Variants in RGL1 observed in about 807,000 individuals in gnomAD.
The protein encoded by RGL1 is ral guanine nucleotide dissociation stimulator like 1.
Under a neutral mutation model 95.2 loss-of-function variants are expected in RGL1, and 24 were observed. That is an observed-to-expected ratio of 0.25 (90% CI 0.18 to 0.35). The LOEUF (loss-of-function observed/expected upper bound fraction) is 0.35, where lower values mean the gene tolerates loss of function less well. Among genes scored for constraint, RGL1 ranks in the 10% least tolerant of loss-of-function variants. The pLI is 1.00. For synonymous variants in RGL1, 329 were observed against 344.9 expected (o/e 0.95, Z 0.51); for missense variants, 715 against 936.3 (o/e 0.76, Z 3.08).
At chr1:183,743,699 C>T (rs1300933142) in intron 2 of RGL1, among the ~76,000 whole-genome samples, 2 of 152,310 alleles carry the variant, frequency 1.3e-5, no homozygotes, top group African/African-American at 2.4e-5. Flanking sequence ...ATGTTTAGCA[C>T]ACATTCTCCT....
At chr1:183,647,825 G>T in intron 1 of RGL1, 3 of 1,614,162 alleles carry the variant, frequency 1.9e-6, no homozygotes, top group Non-Finnish European at 2.5e-6. Context: ...GCATATTTAA[G>T]TGCCTTACGA....
In RGL1 at chr1:183,827,409, C is replaced by T. The variant is rs191974442; in HGVS notation, c.139-20157C>T. 4.0e-3 allele frequency among the ~76,000 whole-genome samples: 607 copies of T among 152,298 alleles called. 6 individuals carry two copies. The highest frequency in any genetic ancestry group is 6.7e-3 in the Non-Finnish European group (455 of 68,026). On this transcript the variant is annotated intron_variant, in intron 2 of 17. Coordinates refer to ENST00000360851, the MANE Select transcript of RGL1 (RefSeq NM_001297671.3). ...TACAGAGAAATATATGGCAGCTAAA[C>T]TTAAAAACTGTTAAACTGGAATCTC...
chr1:183,847,779 G>A lies in RGL1; in HGVS notation c.347+5G>A. The A allele has an allele frequency of 6.2e-7, 1 of 1,610,436 alleles. No homozygotes were observed. The highest frequency in any genetic ancestry group is 8.5e-7 in the Non-Finnish European group (1 of 1,177,400). On this transcript the variant is annotated splice_donor_5th_base_variant and intron_variant, in intron 3 of 17. Transcript: ENST00000360851. ...GCTGGAACTACTGCTGGACAGGTAA[G>A]AATGTAAAGGAGCTTTTGAGTTGAA... is the stretch of plus-strand genomic sequence containing the variant.
chr1:183,815,273 CA>C (rs55883302), intron 2 of RGL1, among the ~76,000 whole-genome samples: 138,785 of 142,778 alleles, frequency 0.97, 67,455 homozygotes, highest in East Asian at 0.99. Context: ...AACTCCATCT[CA>C]AAAAAAAAAA....
At chr1:183,680,307 A>G (rs1335418912) in intron 1 of RGL1, among the ~76,000 whole-genome samples, 1 of 152,048 alleles carries the variant, frequency 6.6e-6, no homozygotes, top group Non-Finnish European at 1.5e-5. Context: ...TGTGTCCTGA[A>G]TGGTATTGCC....
At chr1:183,895,066 A>G (rs896438145) in intron 9 of RGL1, among the ~76,000 whole-genome samples, 1 of 152,192 alleles carries the variant, frequency 6.6e-6, no homozygotes, top group Non-Finnish European at 1.5e-5. Flanking sequence ...GGTTGACTTT[A>G]TATAAAGGAC....
intron 2 of RGL1, among the ~76,000 whole-genome samples, chr1:183,812,861 A>T (rs948913955): frequency 1.3e-5 from 2 of 152,184 alleles, no homozygotes; most frequent in African/African-American, 4.8e-5. Flanking sequence ...TGGGGAAGAG[A>T]TAAGGGAACC....
At chr1:183,816,141 G>A (rs1210886748) in intron 2 of RGL1, among the ~76,000 whole-genome samples, 1 of 152,020 alleles carries the variant, frequency 6.6e-6, no homozygotes, top group Non-Finnish European at 1.5e-5. Context: ...TATTCCTCGG[G>A]CTCCAACATT....
intron 1 of RGL1, chr1:183,647,370 G>A: frequency 5.0e-6 from 1 of 199,632 alleles, no homozygotes; most frequent in Non-Finnish European, 1.0e-5. Context: ...GAAAGATGAT[G>A]TGAGTAAAAT....
rs369320694 is a variant in RGL1, at chr1:183,750,081, A to G, written c.132+7792A>G. ...GGAGCATCTTAGTGGTGCTCTCTGC[A>G]TTTCCTGAATTTGAATGTTGGCCTG... On this transcript the variant is annotated intron_variant, in intron 2 of 18. Transcript: ENST00000304685. Among the ~76,000 whole-genome samples the G allele has an allele frequency of 3.9e-5, 6 of 152,152 alleles. No individual in the cohort carries two copies. In the East Asian group the frequency reaches 7.7e-4, roughly 20 times the overall value.
chr1:183,845,147 C>G (rs946503538), intron 2 of RGL1, among the ~76,000 whole-genome samples: 1 of 150,480 alleles, frequency 6.6e-6, no homozygotes, highest in Non-Finnish European at 1.5e-5. Flanking sequence ...TCACATGTGA[C>G]TATTTCAATT....
At chr1:183,753,540 T>A (rs1406209958) in intron 2 of RGL1, among the ~76,000 whole-genome samples, 2 of 152,224 alleles carry the variant, frequency 1.3e-5, no homozygotes, top group Non-Finnish European at 1.5e-5. Flanking sequence ...TTTGTTTTGG[T>A]TTTCTATGTT....
intron 1 of RGL1, among the ~76,000 whole-genome samples, chr1:183,711,431 A>G (rs1042040526): frequency 6.6e-6 from 1 of 152,034 alleles, no homozygotes; most frequent in African/African-American, 2.4e-5. Context: ...CAACTCTCCC[A>G]CCCACCACTG....
chr1:183,711,997 G>C (rs1191697803), intron 1 of RGL1, among the ~76,000 whole-genome samples: 1 of 152,116 alleles, frequency 6.6e-6, no homozygotes, highest in Non-Finnish European at 1.5e-5. Context: ...ACTTGGCAAG[G>C]TTTTTCTGAG....
At chr1:183,815,877 C>A (rs968551328) in intron 2 of RGL1, among the ~76,000 whole-genome samples, 2 of 152,102 alleles carry the variant, frequency 1.3e-5, no homozygotes, top group African/African-American at 2.4e-5. Flanking sequence ...CCTCTAGAAC[C>A]CTGCCATAGA....
At chr1:183,768,992 G>T (rs912346709) in intron 2 of RGL1, among the ~76,000 whole-genome samples, 3 of 152,052 alleles carry the variant, frequency 2.0e-5, no homozygotes, top group African/African-American at 7.2e-5. Context: ...TCTTAATTGG[G>T]AATTACCTAG....
intron 1 of RGL1, among the ~76,000 whole-genome samples, chr1:183,726,858 C>G (rs758747801): frequency 1.3e-5 from 2 of 152,080 alleles, no homozygotes; most frequent in Non-Finnish European, 2.9e-5. Context: ...CTGAAATGCT[C>G]CAATGAGCAT....
At chr1:183,731,393 T>C (rs1039238680) in intron 1 of RGL1, among the ~76,000 whole-genome samples, 1 of 152,112 alleles carries the variant, frequency 6.6e-6, no homozygotes, top group Non-Finnish European at 1.5e-5. Context: ...AGAGGAAGTG[T>C]GATAGGCACT....
rs76610268 is a variant in RGL1 at position 183,722,004 on chromosome 1, A to G, written c.-32-20122A>G. 2.9e-3 allele frequency among the ~76,000 whole-genome samples: 442 copies of G among 152,346 alleles called. 5 individuals are homozygous for G. The highest frequency in any genetic ancestry group is 0.01 in the African/African-American group (425 of 41,584). On this transcript the variant is annotated intron_variant, in intron 1 of 18. Coordinates refer to the RGL1 transcript ENST00000304685. ...GTGGATTGCAGTTGCAAGCATGGAT[A>G]GGGATGAAATTAGTCAAAGAGAAAA...
Sources: allele counts gnomAD v4.1 joint callset (sites outside exome capture counted in the v4.1 genomes callset), GRCh38; gene constraint gnomAD v4.1.1; transcripts MANE v1.5; gene names NCBI Gene and HGNC (gene_info 2026-07-23, HGNC 2026-07-21).